Variants in DCC observed in about 807,000 individuals in gnomAD.
The protein encoded by DCC is netrin receptor DCC.
Under a neutral mutation model 172.5 loss-of-function variants are expected in DCC, and 58 were observed. The observed-to-expected ratio is 0.34, with a 90% confidence interval of 0.27 to 0.42. The LOEUF is 0.42. DCC is among the 10% of genes least tolerant of loss of function. The pLI is 1.00. For synonymous variants in DCC, 709 were observed against 644.5 expected (o/e 1.10, Z -1.52); for missense variants, 1,740 against 1,791.0 (o/e 0.97, Z 0.51).
intron 12 of DCC, among the ~76,000 whole-genome samples, chr18:53,224,235 G>A (rs2055988377): frequency 6.6e-6 from 1 of 152,134 alleles, no homozygotes; most frequent in South Asian, 2.1e-4. Flanking sequence ...GATGAGCTGA[G>A]GCGTGAATAG....
intron 12 of DCC, among the ~76,000 whole-genome samples, chr18:53,225,866 T>A (rs2056019484): frequency 6.6e-6 from 1 of 152,140 alleles, no homozygotes; most frequent in Non-Finnish European, 1.5e-5. Flanking sequence ...TTCAGTTTGA[T>A]GTTTTTCCAG....
In DCC at chr18:52,748,381, G is replaced by C. The variant is rs1159930708; in HGVS notation, c.92-3673G>C. On this transcript the variant is annotated intron_variant, in intron 1 of 28. Transcript: ENST00000442544. ...TGTTCCCGTAGCCCAGCAAACAAGG[G>C]TGTGTCAGAGCTCTGGCTCCGGGAG... 3.9e-5 allele frequency among the ~76,000 whole-genome samples: 6 copies of C among 152,232 alleles called. No individual in the cohort carries two copies. The East Asian group carries it at 9.6e-4, about 24-fold the overall frequency.
intron 1 of DCC, among the ~76,000 whole-genome samples, chr18:52,533,486 C>A (rs1291747503): frequency 6.6e-6 from 1 of 152,096 alleles, no homozygotes; most frequent in Non-Finnish European, 1.5e-5. Context: ...TAAATGGAAT[C>A]AAACATTATT....
chr18:52,445,006 C>T (rs1449122675), intron 1 of DCC, among the ~76,000 whole-genome samples: 1 of 152,068 alleles, frequency 6.6e-6, no homozygotes, highest in Non-Finnish European at 1.5e-5. Flanking sequence ...TTTTAATTTA[C>T]AAAAGCAATG....
At chr18:52,880,956 G>C (rs185123870) in intron 2 of DCC, among the ~76,000 whole-genome samples, 21 of 152,228 alleles carry the variant, frequency 1.4e-4, no homozygotes, top group Non-Finnish European at 2.1e-4. Context: ...CATAGGGGTT[G>C]TCTAATTTAC....
intron 1 of DCC, among the ~76,000 whole-genome samples, chr18:52,410,520 C>T (rs1380748941): frequency 1.3e-5 from 2 of 152,144 alleles, no homozygotes; most frequent in Non-Finnish European, 2.9e-5. Context: ...ACATTGCAAC[C>T]GTGAGAGGCA....
At chr18:52,674,774 G>C (rs2035620119) in intron 1 of DCC, among the ~76,000 whole-genome samples, 1 of 152,080 alleles carries the variant, frequency 6.6e-6, no homozygotes, top group Admixed American at 6.6e-5. Flanking sequence ...AAATTCTAAG[G>C]CTCCCCCGCC....
chr18:52,396,466 C>T (rs1986235106), intron 1 of DCC, among the ~76,000 whole-genome samples: 2 of 152,142 alleles, frequency 1.3e-5, no homozygotes, highest in East Asian at 1.9e-4. Flanking sequence ...TTTGTGACCC[C>T]TTTATGGGGG....
chr18:52,506,659 G>A (rs1027104412), intron 1 of DCC, among the ~76,000 whole-genome samples: 1 of 151,898 alleles, frequency 6.6e-6, no homozygotes, highest in South Asian at 2.1e-4. Context: ...CTATTTTTAT[G>A]TCTATAAATC....
intron 22 of DCC, among the ~76,000 whole-genome samples, chr18:53,438,547 A>G (rs1355381065): frequency 1.3e-5 from 2 of 152,246 alleles, no homozygotes; most frequent in Non-Finnish European, 2.9e-5. Flanking sequence ...TGAATAGGCA[A>G]CTAGAAATAA....
At chr18:53,485,774 C>T (rs2045893591) in intron 25 of DCC, among the ~76,000 whole-genome samples, 1 of 151,940 alleles carries the variant, frequency 6.6e-6, no homozygotes, top group African/African-American at 2.4e-5. Flanking sequence ...TGTTGCTTCT[C>T]ATTGAGTTAC....
intron 26 of DCC, among the ~76,000 whole-genome samples, chr18:53,498,245 C>A (rs970551452): frequency 2.6e-5 from 4 of 152,120 alleles, no homozygotes; most frequent in African/African-American, 9.7e-5. Flanking sequence ...CTTGAGCCTC[C>A]GGGAGACTTG....
At chr18:52,981,718 T>A (rs2041213213) in intron 5 of DCC, among the ~76,000 whole-genome samples, 1 of 152,210 alleles carries the variant, frequency 6.6e-6, no homozygotes, top group South Asian at 2.1e-4. Flanking sequence ...TAACTCACTA[T>A]AAGTTTACTG....
At chr18:53,464,762 C>A (rs1194238728) in intron 24 of DCC, among the ~76,000 whole-genome samples, 2 of 151,744 alleles carry the variant, frequency 1.3e-5, no homozygotes, top group African/African-American at 4.8e-5. Context: ...GTGCGGATCA[C>A]CTGAGGTTGG....
intron 21 of DCC, among the ~76,000 whole-genome samples, chr18:53,430,079 G>A (rs1358059853): frequency 1.3e-5 from 2 of 152,054 alleles, no homozygotes; most frequent in African/African-American, 4.8e-5. Context: ...CAGATGGACA[G>A]TAAAATTATA....
chr18:53,150,232 T>C (rs2043977919), intron 7 of DCC, among the ~76,000 whole-genome samples: 1 of 152,354 alleles, frequency 6.6e-6, no homozygotes, highest in South Asian at 2.1e-4. Flanking sequence ...CTTTGTAATT[T>C]ATCTGCAAAT....
chr18:53,391,187 G>T (rs1296129758), intron 16 of DCC, among the ~76,000 whole-genome samples: 1 of 152,224 alleles, frequency 6.6e-6, no homozygotes, highest in East Asian at 1.9e-4. Flanking sequence ...ACCCTATTAA[G>T]TTAGAGAAGG....
At chr18:52,514,078 C>CA (rs375771708) in intron 1 of DCC, among the ~76,000 whole-genome samples, 4 of 152,068 alleles carry the variant, frequency 2.6e-5, no homozygotes, top group African/African-American at 9.7e-5. Flanking sequence ...TTAAGAGTTG[C>CA]ACTCTTCTCT....
intron 22 of DCC, among the ~76,000 whole-genome samples, chr18:53,445,657 AAAAC>A (rs1912551134): frequency 6.6e-6 from 1 of 152,228 alleles, no homozygotes; most frequent in Non-Finnish European, 1.5e-5. Flanking sequence ...AATTTTTATA[AAAAC>A]AAGTTACTTC....
Sources: gnomAD v4.1 joint callset for allele counts (sites outside exome capture counted in the v4.1 genomes callset) on GRCh38, gnomAD v4.1.1 for gene constraint, MANE v1.5 for transcripts, NCBI Gene and HGNC (gene_info 2026-07-23, HGNC 2026-07-21) for gene names.